The following PEX5 variants were observed in gnomAD, a reference collection of about 807,000 sequenced individuals.
The protein encoded by PEX5 is peroxisomal biogenesis factor 5, also known as PTS1 receptor.
Under a neutral mutation model 82.9 loss-of-function variants are expected in PEX5, and 52 were observed. The ratio of observed to expected loss-of-function variants is 0.63; its 90% CI spans 0.50 to 0.79. The LOEUF (loss-of-function observed/expected upper bound fraction) is 0.79, where lower values mean the gene tolerates loss of function less well. Ranked by LOEUF, PEX5 falls within the 30% of genes least tolerant of loss-of-function variation. The probability of loss-of-function intolerance (pLI) is 0.00; values close to 1 mark genes in which losing one functional copy is unlikely to be tolerated. For missense variants in PEX5, 719 were observed against 815.2 expected, an observed-to-expected ratio of 0.88 and a Z score of 1.44; for synonymous variants, 300 against 318.8, an observed-to-expected ratio of 0.94 and a Z score of 0.63.
rs117617158 is a variant in PEX5 at position 7,206,407 on chromosome 12, G to C, written c.967-1252G>C. Among the ~76,000 whole-genome samples the C allele has an allele frequency of 1.5e-3, 222 of 152,394 alleles. 5 individuals are homozygous for C. The East Asian group carries it at 0.036, about 24-fold the overall frequency. On this transcript the variant is annotated intron_variant, in intron 10 of 15. Transcript: ENST00000675855. The stretch of plus-strand genomic sequence containing the variant: ...ACAACAGTAGAGGTGAGTAGTTGCA[G>C]CAGATCCACGAAGCCTGAAATATTT...
In PEX5 at chr12:7,206,343, G is replaced by A. The variant is rs143279449; in HGVS notation, c.967-1316G>A. Among the ~76,000 whole-genome samples, 660 of 152,310 alleles carry A rather than the reference G, an allele frequency of 4.3e-3. 6 individuals carry two copies. Among genetic ancestry groups the A allele is most frequent in the African/African-American group, 0.015 (623 of 41,568 alleles). ...AATAAAATGTTATTGGAAGACAGCC[G>A]TGCTCATTTGTTTACTTATGTCTGG... is the stretch of plus-strand genomic sequence containing the variant. On this transcript the variant is annotated intron_variant, in intron 10 of 15. Coordinates refer to ENST00000675855, the MANE Select transcript of PEX5 (RefSeq NM_001351132.2).
intron 2 of PEX5, 121 bp from the exon 3 acceptor site, chr12:7,190,767 C>T: frequency 7.6e-7 from 1 of 1,311,274 alleles, no homozygotes; most frequent in Non-Finnish European, 1.1e-6. Context: ...ACCCTGTGCA[C>T]CTTTAAATAA....
rs1467043179 is a variant in PEX5, at chr12:7,189,702, C to T, written c.-65C>T. The stretch of plus-strand genomic sequence containing the variant: ...CCCCGCCCCCTCTTCTCCCCTCCCC[C>T]AAGCCAGCACCTGGTGCCCCGGCGG... On this transcript the variant is annotated 5_prime_UTR_variant, in exon 1 of 16. Transcript: ENST00000675855. 2.7e-6 allele frequency: 1 copy of T among 375,438 alleles called. No homozygotes were observed. Among genetic ancestry groups the T allele is most frequent in the Non-Finnish European group, 4.7e-6 (1 of 214,224 alleles). 23.3% of individuals were successfully genotyped at this position (375,438 alleles called of 1,614,324 possible).
chr12:7,210,053 A>T lies in PEX5; in HGVS notation c.1750A>T (p.Asn584Tyr). ...EAVEHFLEAL[N>Y]MQRKSRGPRG... ...TGTGGAGCACTTTCTGGAGGCCCTG[A>T]ACATGCAGAGGAAAAGCCGGGGCCC... Residue 584 changes from asparagine to tyrosine, a missense_variant, in exon 16 of 16, where the codon AAC becomes TAC. Coordinates refer to ENST00000675855, the MANE Select transcript of PEX5 (RefSeq NM_001351132.2). The T allele has an allele frequency of 1.9e-6, 3 of 1,614,194 alleles. No homozygotes were observed. Among genetic ancestry groups the T allele is most frequent in the South Asian group, 1.1e-5 (1 of 91,080 alleles).
intron 1 of PEX5, chr12:7,190,156 C>G: frequency 6.7e-7 from 1 of 1,490,220 alleles, no homozygotes; most frequent in Admixed American, 2.3e-5. Flanking sequence ...AGGCTGGAAG[C>G]GGTGGCCTTT....
At chr12:7,189,961 C>A (rs966634942) in intron 1 of PEX5, 20 of 1,492,700 alleles carry the variant, frequency 1.3e-5, no homozygotes, top group Non-Finnish European at 1.7e-5. Context: ...TCACCGCGTG[C>A]TGGGGCTGCG....
chr12:7,190,239 T>G, intron 1 of PEX5, 123 bp from the exon 2 acceptor site: 1 of 1,590,096 alleles, frequency 6.3e-7, no homozygotes, highest in Non-Finnish European at 8.5e-7. Context: ...GCAAAAGCAC[T>G]GGGGTGGAGG....
At position 7,209,801 on chromosome 12, in the gene PEX5, A is replaced by G. The variant is rs758308667; in HGVS notation, c.1679A>G (p.Tyr560Cys). The stretch of plus-strand genomic sequence containing the variant: ...CAGCCTGGCTATATCCGGTCCCGCT[A>G]TAACCTGGGCATCAGCTGCATCAAC... Reference protein sequence around the residue: ...ELQPGYIRSRYNLGISCINLG... With the variant: ...ELQPGYIRSRCNLGISCINLG... Residue 560 changes from tyrosine to cysteine, a missense_variant, in exon 15 of 16, where the codon TAT (tyrosine) becomes TGT (cysteine). Coordinates refer to ENST00000675855, the MANE Select transcript of PEX5 (RefSeq NM_001351132.2). 5.6e-6 allele frequency: 9 copies of G among 1,614,048 alleles called. No individual in the cohort carries two copies. Among genetic ancestry groups the G allele is most frequent in the Non-Finnish European group, 7.6e-6 (9 of 1,180,024 alleles).
At chr12:7,198,343 G>C (rs1304882561) in intron 5 of PEX5, among the ~76,000 whole-genome samples, 1 of 152,190 alleles carries the variant, frequency 6.6e-6, no homozygotes, top group Non-Finnish European at 1.5e-5. Flanking sequence ...GGTTATGTGA[G>C]TGTATCAAAT....
chr12:7,212,459 T>C (rs1428555486), downstream of PEX5, among the ~76,000 whole-genome samples: 1 of 31,426 alleles, frequency 3.2e-5, no homozygotes, highest in East Asian at 8.1e-4. Flanking sequence ...GCTCAAAAGC[T>C]GCCAGAAAAA....
At chr12:7,193,215 CTG>C (rs943121336) in intron 5 of PEX5, among the ~76,000 whole-genome samples, 5 of 149,104 alleles carry the variant, frequency 3.4e-5, no homozygotes, top group African/African-American at 1.2e-4. Context: ...AAACTCATGT[CTG>C]TGTGGCTCTT....
At position 7,191,336 on chromosome 12, in the gene PEX5, C is replaced by A; in HGVS notation, c.294C>A (p.Asn98Lys). ...LAEMQQIEQS[N>K]FRQAPQRAPG... Reference sequence around the variant, plus strand: ...AGATGCAGCAGATTGAGCAGTCAAACTTCCGCCAGGCTCCCCAGAGAGGTG... The same window carrying A: ...AGATGCAGCAGATTGAGCAGTCAAAATTCCGCCAGGCTCCCCAGAGAGGTG... Residue 98 changes from asparagine (N) to lysine (K), a missense_variant, in exon 4 of 16, where the codon AAC (asparagine) becomes AAA (lysine). Asn to Lys is a moderately conservative substitution (Grantham distance 94). Transcript: ENST00000675855. The A allele has an allele frequency of 1.2e-6, 2 of 1,614,186 alleles. No individual in the cohort carries two copies. The highest frequency in any genetic ancestry group is 4.5e-5 in the East Asian group (2 of 44,882).
chr12:7,210,104 G>C lies in PEX5; in HGVS notation c.1801G>C (p.Glu601Gln), dbSNP rs202094640. Reference protein sequence around the residue: ...GPRGEGGAMSENIWSTLRLAL... With the variant: ...GPRGEGGAMSQNIWSTLRLAL... ...CCGGGGTGAAGGAGGTGCCATGTCG[G>C]AGAACATCTGGAGCACCCTGCGTTT... Residue 601 changes from glutamate to glutamine, a missense_variant, in exon 16 of 16, where the codon GAG (glutamate) becomes CAG (glutamine). By Grantham distance (29) the Glu-to-Gln change is conservative (BLOSUM62 2). Transcript: ENST00000675855. 5.6e-6 allele frequency: 9 copies of C among 1,614,132 alleles called. No homozygotes were observed. Among genetic ancestry groups the C allele is most frequent in the Non-Finnish European group, 7.6e-6 (9 of 1,180,048 alleles).
rs1394539856 is a variant in PEX5 at position 7,199,123 on chromosome 12, G to A, written c.551+10G>A. 20 of 1,492,062 alleles carry A rather than the reference G, an allele frequency of 1.3e-5. No homozygotes were observed. Among genetic ancestry groups the A allele is most frequent in the Non-Finnish European group, 1.8e-5 (20 of 1,082,972 alleles). The allele number at this position is 1,492,062 out of a possible 1,614,324, so 92.4% of individuals were successfully genotyped here. A position where few individuals can be genotyped will look rare whatever the true frequency, so the allele number is the denominator to read the frequency against. Reference sequence around the variant, plus strand: ...CAGCCACCGATCGCTGGTGAGTTCAGATACCTCTTTCCGAATCCCGTGAAA... The same window carrying A: ...CAGCCACCGATCGCTGGTGAGTTCAAATACCTCTTTCCGAATCCCGTGAAA... On this transcript the variant is annotated intron_variant, in intron 6 of 15. Transcript: ENST00000675855.
chr12:7,213,890 A>G (rs1945701326), downstream of PEX5, among the ~76,000 whole-genome samples: 1 of 151,566 alleles, frequency 6.6e-6, no homozygotes, highest in African/African-American at 2.4e-5. Flanking sequence ...GAAAAAAACA[A>G]CCCCATCAAA....
chr12:7,196,146 A>C (rs977593699), intron 5 of PEX5, among the ~76,000 whole-genome samples: 1 of 141,258 alleles, frequency 7.1e-6, no homozygotes, highest in Non-Finnish European at 1.5e-5. Flanking sequence ...TTCTTATTAC[A>C]TATGTTACAT....
downstream of PEX5, among the ~76,000 whole-genome samples, chr12:7,212,234 G>A (rs1006720806): frequency 6.6e-6 from 1 of 151,236 alleles, no homozygotes; most frequent in Non-Finnish European, 1.5e-5. Flanking sequence ...CAAAGTGCTG[G>A]GATTACAGAC....
In PEX5 at chr12:7,210,263, A is replaced by G. The variant is rs1945402514; in HGVS notation, c.*40A>G. 2 of 1,588,834 alleles carry G rather than the reference A, an allele frequency of 1.3e-6. No homozygotes were observed. The highest frequency in any genetic ancestry group is 1.7e-6 in the Non-Finnish European group (2 of 1,158,492). On this transcript the variant is annotated 3_prime_UTR_variant, in exon 16 of 16. Coordinates refer to ENST00000675855, the MANE Select transcript of PEX5 (RefSeq NM_001351132.2). ...GCCCTGTGAGTGTCCACCTGGAGGG[A>G]TCCCCGCTTTGGATGTGATTCCCTC...
At chr12:7,214,461 C>G (rs1417613628), downstream of PEX5, among the ~76,000 whole-genome samples, 2 of 149,774 alleles carry the variant, frequency 1.3e-5, no homozygotes, top group African/African-American at 2.5e-5. Flanking sequence ...TAAACTATCA[C>G]AAGAACAAAA....
Sources: gnomAD v4.1 joint callset for allele counts (sites outside exome capture counted in the v4.1 genomes callset) on GRCh38, gnomAD v4.1.1 for gene constraint, MANE v1.5 for transcripts, NCBI Gene and HGNC (gene_info 2026-07-23, HGNC 2026-07-21) for gene names.